The following ZMAT4 variants were observed in gnomAD, a reference collection of about 807,000 sequenced individuals.
ZMAT4 encodes zinc finger matrin-type protein 4.
Under a neutral mutation model 28.7 loss-of-function variants are expected in ZMAT4, and 17 were observed. That is an observed-to-expected ratio of 0.59 (90% CI 0.41 to 0.89). ZMAT4 has a LOEUF of 0.89. Among genes scored for constraint, ZMAT4 ranks in the 40% least tolerant of loss-of-function variants. ZMAT4 has a pLI of 0.00. For missense variants in ZMAT4, 240 were observed against 283.8 expected (o/e 0.85, Z 1.11); for synonymous variants, 117 against 109.2 (o/e 1.07, Z -0.44).
At chr8:40,765,581 C>G (rs548021557) in intron 3 of ZMAT4, among the ~76,000 whole-genome samples, 13 of 152,276 alleles carry the variant, frequency 8.5e-5, no homozygotes, top group African/African-American at 2.9e-4. Context: ...AAGGTTTCCA[C>G]GGGGACTTTG....
chr8:40,688,123 A>G (rs1809496194), intron 4 of ZMAT4, among the ~76,000 whole-genome samples: 1 of 152,186 alleles, frequency 6.6e-6, no homozygotes, highest in African/African-American at 2.4e-5. Flanking sequence ...TAGTCCTTCA[A>G]TGCAACTGAG....
At chr8:40,797,623 A>G (rs1814653278) in intron 2 of ZMAT4, among the ~76,000 whole-genome samples, 1 of 152,318 alleles carries the variant, frequency 6.6e-6, no homozygotes, top group South Asian at 2.1e-4. Context: ...ATGAGCTACA[A>G]TTTCCTCTAA....
At chr8:40,723,179 G>A (rs1811176240) in intron 3 of ZMAT4, among the ~76,000 whole-genome samples, 1 of 152,182 alleles carries the variant, frequency 6.6e-6, no homozygotes, top group Admixed American at 6.5e-5. Flanking sequence ...AGGCAGGGAA[G>A]AAAGGGATAG....
intron 3 of ZMAT4, among the ~76,000 whole-genome samples, chr8:40,737,324 A>AC (rs1811810110): frequency 6.6e-6 from 1 of 151,952 alleles, no homozygotes; most frequent in Admixed American, 6.6e-5. Flanking sequence ...AAGATTGGAC[A>AC]CCCCCGATTT....
intron 5 of ZMAT4, among the ~76,000 whole-genome samples, chr8:40,616,349 C>T (rs1450077238): frequency 1.3e-5 from 2 of 152,124 alleles, no homozygotes; most frequent in Non-Finnish European, 2.9e-5. Context: ...GGATCTAGAA[C>T]TAGAAATACC....
At chr8:40,697,096 A>C in intron 4 of ZMAT4, 149 bp downstream of exon 4, 1 of 871,636 alleles carries the variant, frequency 1.1e-6, no homozygotes. Flanking sequence ...AGGTCTGCTG[A>C]GGTCAGCCAC....
intron 4 of ZMAT4, among the ~76,000 whole-genome samples, chr8:40,690,507 T>A (rs73677450): frequency 0.02 from 3,042 of 152,312 alleles, 99 homozygotes; most frequent in African/African-American, 0.069. Flanking sequence ...ACTATTAAGA[T>A]CTGCTTGTTT....
At chr8:40,763,784 T>C (rs62642748) in intron 3 of ZMAT4, among the ~76,000 whole-genome samples, 24,405 of 152,118 alleles carry the variant, frequency 0.16, 3,118 homozygotes, top group East Asian at 0.6. Context: ...ACTCAGCTTC[T>C]CAAGCTATGC....
chr8:40,795,628 T>C (rs1252913115), intron 2 of ZMAT4, among the ~76,000 whole-genome samples: 1 of 152,190 alleles, frequency 6.6e-6, no homozygotes, highest in African/African-American at 2.4e-5. Flanking sequence ...GAGTGGAGTA[T>C]TGATTTAAAG....
chr8:40,885,513 T>G (rs1818422145), intron 1 of ZMAT4, among the ~76,000 whole-genome samples: 1 of 152,246 alleles, frequency 6.6e-6, no homozygotes, highest in Non-Finnish European at 1.5e-5. Flanking sequence ...TATTCATTTT[T>G]TACATTTTTA....
intron 2 of ZMAT4, among the ~76,000 whole-genome samples, chr8:40,774,417 T>C (rs1813505078): frequency 1.3e-5 from 2 of 152,112 alleles, no homozygotes; most frequent in African/African-American, 4.8e-5. Flanking sequence ...ACATAGATAA[T>C]AGGCATGTAA....
chr8:40,727,253 G>A lies in ZMAT4; in HGVS notation c.193-29852C>T, dbSNP rs112502384. 6.2e-3 allele frequency among the ~76,000 whole-genome samples: 939 copies of A among 152,146 alleles called. 7 individuals are homozygous for A. Among genetic ancestry groups the A allele is most frequent in the African/African-American group, 0.022 (903 of 41,510 alleles). On this transcript the variant is annotated intron_variant, in intron 3 of 6. Coordinates refer to ENST00000297737, the MANE Select transcript of ZMAT4 (RefSeq NM_024645.3). ...TCCTGTGATGGCTGCCAGAGTTCTC[G>A]TCATCTCAGGCAGATACAACAGTGT... is the stretch of plus-strand genomic sequence containing the variant.
chr8:40,692,116 G>C, intron 4 of ZMAT4, among the ~76,000 whole-genome samples: 1 of 152,126 alleles, frequency 6.6e-6, no homozygotes, highest in Non-Finnish European at 1.5e-5. Context: ...CATCGAACAA[G>C]TATTAATTAA....
chr8:40,767,622 C>T lies in ZMAT4; in HGVS notation c.192+19G>A, dbSNP rs1452182440. On this transcript the variant is annotated intron_variant, in intron 3 of 6. Coordinates refer to ENST00000297737, the MANE Select transcript of ZMAT4 (RefSeq NM_024645.3). ...CAGAACAAATCATCTGAGGATATCACGTGGTACCAGATACTCACATTTTCT... is the reference window on the plus strand; with the variant it reads ...CAGAACAAATCATCTGAGGATATCATGTGGTACCAGATACTCACATTTTCT... 1.9e-6 allele frequency: 3 copies of T among 1,600,364 alleles called. No homozygotes were observed. The highest frequency in any genetic ancestry group is 2.2e-5 in the East Asian group (1 of 44,796).
At chr8:40,601,503 A>AAGAAAGAAAGAAAGAAAGAAAG in intron 5 of ZMAT4, among the ~76,000 whole-genome samples, 1 of 127,230 alleles carries the variant, frequency 7.9e-6, no homozygotes. Flanking sequence ...GAGAGAAAGA[A>AAGAAAGAAAGAAAGAAAGAAAG]AGAAAGAGAA....
At chr8:40,588,597 T>G (rs961628552) in intron 5 of ZMAT4, among the ~76,000 whole-genome samples, 1 of 152,066 alleles carries the variant, frequency 6.6e-6, no homozygotes, top group African/African-American at 2.4e-5. Context: ...CCACCATGAA[T>G]GCTAACATCA....
At position 40,532,825 on chromosome 8, in the gene ZMAT4, G is replaced by A. The variant is rs144432295; in HGVS notation, c.675-587C>T. On this transcript the variant is annotated intron_variant, in intron 6 of 6. Coordinates refer to ENST00000297737, the MANE Select transcript of ZMAT4 (RefSeq NM_024645.3). ...ATCCTGGCCAACATGGTGAAACCCC[G>A]TCTCTACTAAAAATACAAAAATTAG... Among the ~76,000 whole-genome samples the A allele has an allele frequency of 8.5e-3, 1,298 of 152,016 alleles. 8 individuals are homozygous for A. Among genetic ancestry groups the A allele is most frequent in the Non-Finnish European group, 0.012 (806 of 67,992 alleles).
intron 4 of ZMAT4, among the ~76,000 whole-genome samples, chr8:40,695,045 C>T (rs1375627883): frequency 6.6e-6 from 1 of 152,214 alleles, no homozygotes; most frequent in Non-Finnish European, 1.5e-5. Context: ...CTCTGTCCAA[C>T]AGCATTAGAT....
chr8:40,734,763 C>A (rs995046657), intron 3 of ZMAT4, among the ~76,000 whole-genome samples: 2 of 152,094 alleles, frequency 1.3e-5, no homozygotes, highest in African/African-American at 2.4e-5. Context: ...TGACTTAAGG[C>A]TGTTTTCAAG....
Sources: gnomAD v4.1 joint callset for allele counts (sites outside exome capture counted in the v4.1 genomes callset) on GRCh38, gnomAD v4.1.1 for gene constraint, MANE v1.5 for transcripts, NCBI Gene and HGNC (gene_info 2026-07-23, HGNC 2026-07-21) for gene names.